MAP3K20: variants seen among roughly 807,000 people sequenced by gnomAD.
MAP3K20 encodes the protein HCCS-4.
A neutral mutation model predicts 85.7 loss-of-function variants in MAP3K20; 40 were observed. That is an observed-to-expected ratio of 0.47 (90% CI 0.36 to 0.61). The LOEUF (loss-of-function observed/expected upper bound fraction) is 0.61, where lower values mean the gene tolerates loss of function less well. Ranked by LOEUF, MAP3K20 falls within the 20% of genes least tolerant of loss-of-function variation. MAP3K20 has a pLI of 0.00. For missense variants in MAP3K20, 817 were observed against 961.7 expected, an observed-to-expected ratio of 0.85 and a Z score of 1.99; for synonymous variants, 325 against 327.7, an observed-to-expected ratio of 0.99 and a Z score of 0.09.
intron 16 of MAP3K20, among the ~76,000 whole-genome samples, chr2:173,239,966 T>C (rs1684743554): frequency 6.6e-6 from 1 of 152,246 alleles, no homozygotes; most frequent in South Asian, 2.1e-4. Flanking sequence ...TTATGTCATT[T>C]TGAAAGTCTG....
intron 10 of MAP3K20, chr2:173,210,079 C>T (rs935585960): frequency 8.6e-5 from 37 of 432,176 alleles, no homozygotes; most frequent in Admixed American, 4.9e-4. Context: ...AGGCCGGTCG[C>T]GGTGGCTCAC....
chr2:173,158,972 A>AT (rs1233769608), intron 2 of MAP3K20, among the ~76,000 whole-genome samples: 1 of 152,174 alleles, frequency 6.6e-6, no homozygotes, highest in Non-Finnish European at 1.5e-5. Flanking sequence ...TAATACATTA[A>AT]TTTTTTCACA....
intron 4 of MAP3K20, among the ~76,000 whole-genome samples, chr2:173,183,692 C>T (rs1201927531): frequency 2.6e-5 from 4 of 151,856 alleles, no homozygotes; most frequent in South Asian, 2.1e-4. Flanking sequence ...TAATGAACAC[C>T]GATAGTTATA....
intron 2 of MAP3K20, among the ~76,000 whole-genome samples, chr2:173,160,932 A>G (rs929458493): frequency 2.0e-5 from 3 of 152,220 alleles, no homozygotes; most frequent in African/African-American, 7.2e-5. Flanking sequence ...CGTAGCTTTC[A>G]GGTCGAATAA....
At chr2:173,172,449 G>A (rs577494609) in intron 3 of MAP3K20, among the ~76,000 whole-genome samples, 5 of 152,058 alleles carry the variant, frequency 3.3e-5, no homozygotes, top group Admixed American at 2.0e-4. Flanking sequence ...AATGGGAATT[G>A]TGAGATGTGA....
intron 2 of MAP3K20, among the ~76,000 whole-genome samples, chr2:173,149,770 G>A (rs1327363193): frequency 6.6e-6 from 1 of 152,130 alleles, no homozygotes; most frequent in Non-Finnish European, 1.5e-5. Context: ...GTTGAGAGGT[G>A]ATACTTTCAT....
At chr2:173,235,656 G>A (rs986327550) in intron 14 of MAP3K20, among the ~76,000 whole-genome samples, 1 of 152,196 alleles carries the variant, frequency 6.6e-6, no homozygotes, top group African/African-American at 2.4e-5. Context: ...CTAGATAGAG[G>A]TACTGGTTGC....
intron 10 of MAP3K20, 32 bp downstream of exon 10, chr2:173,209,867 T>G (rs1291248415): frequency 3.2e-6 from 5 of 1,578,732 alleles, no homozygotes; most frequent in Non-Finnish European, 4.4e-6. Context: ...CCACAGCGTC[T>G]GGCTTTCAAA....
At chr2:173,159,211 T>C (rs1266909853) in intron 2 of MAP3K20, among the ~76,000 whole-genome samples, 2 of 152,214 alleles carry the variant, frequency 1.3e-5, no homozygotes, top group African/African-American at 2.4e-5. Context: ...AAGCCTTGTT[T>C]GGGGATTTTC....
At chr2:173,163,382 G>C (rs146461320) in intron 2 of MAP3K20, among the ~76,000 whole-genome samples, 1 of 152,158 alleles carries the variant, frequency 6.6e-6, no homozygotes, top group Non-Finnish European at 1.5e-5. Context: ...GTTGTATCTG[G>C]TTTTCTGTTC....
intron 3 of MAP3K20, among the ~76,000 whole-genome samples, chr2:173,181,765 C>G (rs967517504): frequency 6.6e-6 from 1 of 151,872 alleles, no homozygotes; most frequent in Non-Finnish European, 1.5e-5. Flanking sequence ...AAACATTATG[C>G]GGCCAGGCGC....
chr2:173,205,389 T>C (rs1467054254), intron 9 of MAP3K20, among the ~76,000 whole-genome samples: 1 of 152,124 alleles, frequency 6.6e-6, no homozygotes, highest in Non-Finnish European at 1.5e-5. Flanking sequence ...GTTTCTTTAA[T>C]GGGAATAACT....
chr2:173,121,512 A>G (rs186202699), intron 2 of MAP3K20, among the ~76,000 whole-genome samples: 2 of 151,700 alleles, frequency 1.3e-5, no homozygotes, highest in Admixed American at 6.6e-5. Flanking sequence ...TCAGCCTCCC[A>G]AGTAGCTGGG....
intron 2 of MAP3K20, among the ~76,000 whole-genome samples, chr2:173,119,825 G>A (rs1688229655): frequency 6.6e-6 from 1 of 152,198 alleles, no homozygotes. Flanking sequence ...AACAGTCACT[G>A]TGTCCATTGC....
intron 2 of MAP3K20, among the ~76,000 whole-genome samples, chr2:173,122,909 C>T (rs988225982): frequency 1.3e-5 from 2 of 152,182 alleles, no homozygotes; most frequent in Non-Finnish European, 2.9e-5. Context: ...TCATCTCAGT[C>T]GTGACATCTC....
At chr2:173,244,805 G>C (rs938178075) in intron 16 of MAP3K20, among the ~76,000 whole-genome samples, 1 of 152,152 alleles carries the variant, frequency 6.6e-6, no homozygotes, top group Non-Finnish European at 1.5e-5. Flanking sequence ...GGGCCTTAAA[G>C]ATAGAACCCA....
At chr2:173,145,934 T>C (rs1479011838) in intron 2 of MAP3K20, among the ~76,000 whole-genome samples, 1 of 152,076 alleles carries the variant, frequency 6.6e-6, no homozygotes, top group Non-Finnish European at 1.5e-5. Context: ...ACTACTGATA[T>C]ATATATATAT....
chr2:173,218,483 C>T (rs978564848), intron 11 of MAP3K20, among the ~76,000 whole-genome samples: 4 of 152,148 alleles, frequency 2.6e-5, no homozygotes. Context: ...GTGAGAAAGA[C>T]GATGAGGGAA....
At chr2:173,240,823 T>C (rs1310292637) in intron 16 of MAP3K20, among the ~76,000 whole-genome samples, 1 of 152,224 alleles carries the variant, frequency 6.6e-6, no homozygotes, top group African/African-American at 2.4e-5. Flanking sequence ...CTCCTATGTT[T>C]ATTGCAGCAC....
Sources: gnomAD v4.1 joint callset for allele counts (sites outside exome capture counted in the v4.1 genomes callset) on GRCh38, gnomAD v4.1.1 for gene constraint, MANE v1.5 for transcripts, NCBI Gene and HGNC (gene_info 2026-07-23, HGNC 2026-07-21) for gene names.